DLG2: variants seen among roughly 807,000 people sequenced by gnomAD.
The protein encoded by DLG2 is discs large MAGUK scaffold protein 2.
In DLG2, 45 loss-of-function variants were observed where a neutral mutation model predicts 132.5. That is an observed-to-expected ratio of 0.34 (90% CI 0.27 to 0.44). The LOEUF is 0.44. DLG2 is among the 20% of genes least tolerant of loss of function. DLG2 has a pLI of 1.00. For missense variants in DLG2, 1,045 were observed against 1,196.9 expected (o/e 0.87, Z 1.87); for synonymous variants, 424 against 419.6 (o/e 1.01, Z -0.13).
At chr11:85,501,678 T>C (rs989060359) in intron 3 of DLG2, among the ~76,000 whole-genome samples, 5 of 152,212 alleles carry the variant, frequency 3.3e-5, no homozygotes, top group African/African-American at 7.2e-5. Flanking sequence ...ATGCTCATCA[T>C]CTCTGGTCAT....
intron 19 of DLG2, among the ~76,000 whole-genome samples, chr11:83,597,078 T>C (rs1267863859): frequency 1.3e-5 from 2 of 152,128 alleles, no homozygotes; most frequent in Non-Finnish European, 2.9e-5. Flanking sequence ...ATAACTGGGG[T>C]TAGTTCCAGT....
intron 3 of DLG2, among the ~76,000 whole-genome samples, chr11:85,504,595 A>G (rs944158750): frequency 4.6e-5 from 7 of 152,210 alleles, no homozygotes; most frequent in African/African-American, 1.2e-4. Context: ...TAACAGTACC[A>G]TGCTGTTTTG....
chr11:85,017,838 C>G (rs756794690), intron 6 of DLG2, among the ~76,000 whole-genome samples: 35 of 152,272 alleles, frequency 2.3e-4, no homozygotes, highest in Middle Eastern at 3.4e-3. Flanking sequence ...CTAGGGTCAT[C>G]ACCGTCATCT....
intron 18 of DLG2, among the ~76,000 whole-genome samples, chr11:83,763,028 C>T (rs1003427581): frequency 1.3e-5 from 2 of 152,138 alleles, no homozygotes; most frequent in Admixed American, 1.3e-4. Flanking sequence ...CAGCAACCTC[C>T]CTGTCCACCC....
chr11:84,138,003 T>C (rs1300002809), intron 9 of DLG2, among the ~76,000 whole-genome samples: 1 of 152,158 alleles, frequency 6.6e-6, no homozygotes, highest in Non-Finnish European at 1.5e-5. Context: ...TATAATACTA[T>C]GTGAAACAAT....
intron 17 of DLG2, among the ~76,000 whole-genome samples, chr11:83,810,021 G>A (rs922191366): frequency 1.7e-4 from 26 of 152,090 alleles, no homozygotes; most frequent in African/African-American, 6.0e-4. Flanking sequence ...TGCATAAAAA[G>A]CATAAATCAC....
Position 84,182,367 on chromosome 11 carries a change from T to TA in DLG2, c.574-18857dup, listed in dbSNP as rs35822865. On this transcript the variant is annotated intron_variant, in intron 8 of 27. Transcript: ENST00000376104. The stretch of plus-strand genomic sequence containing the variant: ...GGCAACATAGGGAGACCCCAACTCC[T>TA]AAAAAAAAAAAAAATTAGGCAGTCA... Among the ~76,000 whole-genome samples the TA allele has an allele frequency of 1.5e-3, 211 of 139,852 alleles. 2 individuals are homozygous for TA. Among genetic ancestry groups the TA allele is most frequent in the East Asian group, 0.011 (53 of 4,862 alleles). The allele number at this position is 139,852 out of a possible 152,430, so 91.7% of individuals were successfully genotyped here.
At chr11:84,923,564 A>G (rs771551140) in intron 6 of DLG2, 81 of 998,210 alleles carry the variant, frequency 8.1e-5, no homozygotes, top group Admixed American at 2.8e-4. Flanking sequence ...ATACTTTACA[A>G]TGGGATCGCA....
intron 3 of DLG2, among the ~76,000 whole-genome samples, chr11:85,526,711 T>C (rs1000840167): frequency 2.6e-5 from 4 of 152,170 alleles, no homozygotes; most frequent in Non-Finnish European, 5.9e-5. Context: ...TGTGAGGATG[T>C]TTCTGGAAGA....
chr11:84,621,689 G>T (rs2099614240), intron 6 of DLG2, among the ~76,000 whole-genome samples: 1 of 152,168 alleles, frequency 6.6e-6, no homozygotes, highest in African/African-American at 2.4e-5. Context: ...TGGTTGGTCA[G>T]TTCCTACTAA....
intron 6 of DLG2, among the ~76,000 whole-genome samples, chr11:84,992,428 T>C (rs1321775565): frequency 1.3e-5 from 2 of 152,218 alleles, no homozygotes; most frequent in Non-Finnish European, 2.9e-5. Flanking sequence ...AAATAAGAAG[T>C]TGTTATGCTT....
intron 3 of DLG2, among the ~76,000 whole-genome samples, chr11:85,567,552 T>C (rs1277385048): frequency 6.6e-6 from 1 of 152,174 alleles, no homozygotes; most frequent in African/African-American, 2.4e-5. Flanking sequence ...TCTTTAGAGT[T>C]TTCTAAATAC....
At chr11:85,236,860 C>T (rs1486343485) in intron 4 of DLG2, among the ~76,000 whole-genome samples, 1 of 151,982 alleles carries the variant, frequency 6.6e-6, no homozygotes, top group African/African-American at 2.4e-5. Flanking sequence ...GTCCAGGTAT[C>T]CAACAATTTC....
intron 6 of DLG2, among the ~76,000 whole-genome samples, chr11:84,992,273 C>T (rs986939970): frequency 3.3e-5 from 5 of 152,142 alleles, no homozygotes; most frequent in African/African-American, 9.7e-5. Context: ...AAGTAATATG[C>T]ATTGGATTGT....
intron 6 of DLG2, among the ~76,000 whole-genome samples, chr11:85,085,337 T>C (rs1593900457): frequency 6.6e-6 from 1 of 152,264 alleles, no homozygotes; most frequent in East Asian, 1.9e-4. Flanking sequence ...TCCTAGATAC[T>C]ATCTCAAGGA....
At chr11:84,785,407 G>A (rs1488398891) in intron 6 of DLG2, among the ~76,000 whole-genome samples, 1 of 152,038 alleles carries the variant, frequency 6.6e-6, no homozygotes, top group Non-Finnish European at 1.5e-5. Context: ...CTCCTCATGA[G>A]TTGTTAGGTA....
chr11:85,438,998 C>T (rs137943607), intron 3 of DLG2, among the ~76,000 whole-genome samples: 23 of 152,260 alleles, frequency 1.5e-4, no homozygotes, highest in African/African-American at 4.8e-4. Flanking sequence ...AAGAGTCATC[C>T]AACTTATGTA....
intron 6 of DLG2, among the ~76,000 whole-genome samples, chr11:85,046,896 G>A (rs2062399113): frequency 6.6e-6 from 1 of 151,328 alleles, no homozygotes; most frequent in African/African-American, 2.4e-5. Context: ...AATGCGTCTT[G>A]GCATATTAGA....
chr11:83,752,989 G>A (rs1386582106), intron 18 of DLG2, among the ~76,000 whole-genome samples: 2 of 152,144 alleles, frequency 1.3e-5, no homozygotes, highest in African/African-American at 2.4e-5. Context: ...GGTAAGAGGA[G>A]AAATAAAAAG....
Sources: gnomAD v4.1 joint callset for allele counts (sites outside exome capture counted in the v4.1 genomes callset) on GRCh38, gnomAD v4.1.1 for gene constraint, MANE v1.5 for transcripts, NCBI Gene and HGNC (gene_info 2026-07-23, HGNC 2026-07-21) for gene names.